The following HPSE2 variants were observed in gnomAD, a reference collection of about 807,000 sequenced individuals.
The protein encoded by HPSE2 is inactive heparanase-2.
A neutral mutation model predicts 60.5 loss-of-function variants in HPSE2; 38 were observed. That is an observed-to-expected ratio of 0.63 (90% CI 0.48 to 0.82). The LOEUF is 0.82. Among genes scored for constraint, HPSE2 ranks in the 40% least tolerant of loss-of-function variants. The pLI is 0.00. For synonymous variants in HPSE2, 295 were observed against 293.2 expected, an observed-to-expected ratio of 1.01 and a Z score of -0.06; for missense variants, 713 against 740.4, an observed-to-expected ratio of 0.96 and a Z score of 0.43.
At chr10:98,992,841 A>C (rs954963339) in intron 3 of HPSE2, among the ~76,000 whole-genome samples, 7 of 152,336 alleles carry the variant, frequency 4.6e-5, no homozygotes, top group Admixed American at 4.6e-4. Context: ...GAAGTTAGAC[A>C]GCACTGGGTT....
intron 9 of HPSE2, among the ~76,000 whole-genome samples, chr10:98,579,736 T>G (rs947197680): frequency 9.9e-5 from 15 of 152,206 alleles, no homozygotes; most frequent in African/African-American, 3.4e-4. Context: ...TACTCATATT[T>G]GAATCATGAC....
the HPSE2 span, among the ~76,000 whole-genome samples, chr10:99,281,385 C>T: frequency 2.0e-5 from 3 of 151,226 alleles, no homozygotes; most frequent in Non-Finnish European, 2.9e-5. Flanking sequence ...ACTTACTCTG[C>T]TACCTCATTT....
At chr10:99,016,814 C>T (rs1957154275) in intron 3 of HPSE2, among the ~76,000 whole-genome samples, 1 of 151,936 alleles carries the variant, frequency 6.6e-6, no homozygotes, top group African/African-American at 2.4e-5. Context: ...TGAGTTCATT[C>T]CTGACTTGGC....
the HPSE2 span, among the ~76,000 whole-genome samples, chr10:99,265,557 T>C: frequency 4.6e-5 from 7 of 152,170 alleles, no homozygotes; most frequent in Non-Finnish European, 5.9e-5. Flanking sequence ...GTAGCAAACC[T>C]GCACATCTTG....
At chr10:98,831,869 T>A (rs1245704744) in intron 3 of HPSE2, among the ~76,000 whole-genome samples, 1 of 152,172 alleles carries the variant, frequency 6.6e-6, no homozygotes, top group African/African-American at 2.4e-5. Flanking sequence ...TATAGCTAAA[T>A]AAATAAATAA....
At chr10:99,100,542 A>G (rs572146600) in intron 3 of HPSE2, among the ~76,000 whole-genome samples, 1 of 152,316 alleles carries the variant, frequency 6.6e-6, no homozygotes, top group African/African-American at 2.4e-5. Context: ...TGACGGGGAG[A>G]ACGGAACCAA....
At chr10:98,802,735 GT>G (rs1358133381) in intron 3 of HPSE2, among the ~76,000 whole-genome samples, 3 of 147,254 alleles carry the variant, frequency 2.0e-5, no homozygotes, top group Non-Finnish European at 3.0e-5. Flanking sequence ...GGACATTTGG[GT>G]TGGTTCCAAG....
intron 7 of HPSE2, among the ~76,000 whole-genome samples, chr10:98,640,133 A>ATGTTTTCAATC (rs1242933701): frequency 6.6e-6 from 1 of 152,236 alleles, no homozygotes; most frequent in African/African-American, 2.4e-5. Context: ...ATTAGGTAAT[A>ATGTTTTCAATC]TGTTTTCAAT....
chr10:98,986,436 G>T (rs1360989543), intron 3 of HPSE2, among the ~76,000 whole-genome samples: 1 of 151,146 alleles, frequency 6.6e-6, no homozygotes, highest in African/African-American at 2.4e-5. Context: ...GATGTTCTTT[G>T]AAACCAACGA....
intron 6 of HPSE2, among the ~76,000 whole-genome samples, chr10:98,687,432 C>T (rs1346121719): frequency 1.3e-5 from 2 of 152,148 alleles, no homozygotes; most frequent in Non-Finnish European, 2.9e-5. Flanking sequence ...CTCTTTATGC[C>T]TTCCTCTTCT....
At chr10:98,750,739 T>C (rs891375794) in intron 3 of HPSE2, among the ~76,000 whole-genome samples, 5 of 151,976 alleles carry the variant, frequency 3.3e-5, no homozygotes, top group African/African-American at 4.8e-5. Flanking sequence ...GTGTGAAAGA[T>C]TGGGAGAAGA....
In HPSE2 at chr10:98,923,519, A is replaced by G. The variant is rs150198356; in HGVS notation, c.611-179463T>C. The stretch of plus-strand genomic sequence containing the variant: ...TTTCTCTACCTCCTCTTTAAAGCCA[A>G]TAACTCTTAGATTTGTCCTTTTCAG... On this transcript the variant is annotated intron_variant, in intron 3 of 11. Transcript: ENST00000370552. 5.0e-3 allele frequency among the ~76,000 whole-genome samples: 756 copies of G among 152,196 alleles called. 6 individuals are homozygous for G. The highest frequency in any genetic ancestry group is 0.017 in the African/African-American group (694 of 41,532).
At chr10:99,101,915 G>A (rs1227672000) in intron 3 of HPSE2, among the ~76,000 whole-genome samples, 2 of 152,292 alleles carry the variant, frequency 1.3e-5, no homozygotes, top group Non-Finnish European at 2.9e-5. Context: ...AGGCAGAAAT[G>A]AAGATGTTCT....
At chr10:98,715,727 C>T (rs1396648274) in intron 5 of HPSE2, among the ~76,000 whole-genome samples, 1 of 151,994 alleles carries the variant, frequency 6.6e-6, no homozygotes, top group East Asian at 1.9e-4. Flanking sequence ...ATTCAAAATA[C>T]TTTATTGCTA....
chr10:99,203,875 A>G (rs4917855), intron 2 of HPSE2, among the ~76,000 whole-genome samples: 8 of 73,048 alleles, frequency 1.1e-4, no homozygotes, highest in Non-Finnish European at 3.5e-4. Context: ...GGACCGCTCC[A>G]CCAGGCCCAA....
chr10:98,725,432 C>A (rs1296546487), intron 4 of HPSE2, among the ~76,000 whole-genome samples: 1 of 152,124 alleles, frequency 6.6e-6, no homozygotes, highest in African/African-American at 2.4e-5. Context: ...AACTGGCTAG[C>A]CTTATGTAGA....
chr10:98,721,908 C>A lies in HPSE2; in HGVS notation c.785-80G>T. On this transcript the variant is annotated intron_variant, in intron 4 of 11. Transcript: ENST00000370552. Reference sequence around the variant, plus strand: ...ACTTTCCTGTCCACAGATCTCTCTGCCTTTTTCTTAATAATATGAAAAAAA... The same window carrying A: ...ACTTTCCTGTCCACAGATCTCTCTGACTTTTTCTTAATAATATGAAAAAAA... The A allele has an allele frequency of 3.4e-6, 4 of 1,168,170 alleles. No homozygotes were observed. The South Asian group carries it at 5.1e-5, about 15-fold the overall frequency. The allele number at this position is 1,168,170 out of a possible 1,614,324, so 72.4% of individuals were successfully genotyped here.
chr10:98,490,559 T>A (rs529147118), intron 9 of HPSE2, among the ~76,000 whole-genome samples: 2 of 152,242 alleles, frequency 1.3e-5, no homozygotes, highest in Non-Finnish European at 2.9e-5. Context: ...TTTACTTTTA[T>A]AGCGGCTTAT....
intron 3 of HPSE2, among the ~76,000 whole-genome samples, chr10:98,775,739 T>A (rs1950326716): frequency 6.6e-6 from 1 of 152,100 alleles, no homozygotes; most frequent in African/African-American, 2.4e-5. Context: ...GAAATTTAAA[T>A]CTCCAGTCCA....
Sources: allele counts gnomAD v4.1 joint callset (sites outside exome capture counted in the v4.1 genomes callset), GRCh38; gene constraint gnomAD v4.1.1; transcripts MANE v1.5; gene names NCBI Gene and HGNC (gene_info 2026-07-23, HGNC 2026-07-21).